FAT3: variants seen among roughly 807,000 people sequenced by gnomAD.
The protein encoded by FAT3 is protocadherin Fat 3.
Under a neutral mutation model 310.2 loss-of-function variants are expected in FAT3, and 95 were observed. The ratio of observed to expected loss-of-function variants is 0.31; its 90% CI spans 0.26 to 0.36. FAT3 has a LOEUF of 0.36. FAT3 is among the 10% of genes least tolerant of loss of function. The probability of loss-of-function intolerance (pLI) is 1.00; values close to 1 mark genes in which losing one functional copy is unlikely to be tolerated. For synonymous variants in FAT3, 2,314 were observed against 2,192.9 expected, an observed-to-expected ratio of 1.06 and a Z score of -1.54; for missense variants, 5,408 against 5,715.6, an observed-to-expected ratio of 0.95 and a Z score of 1.74.
At chr11:92,824,384 A>G (rs1386164066) in intron 13 of FAT3, among the ~76,000 whole-genome samples, 1 of 152,170 alleles carries the variant, frequency 6.6e-6, no homozygotes, top group African/African-American at 2.4e-5. Context: ...AAAGAAAATC[A>G]TTTTTAAATC....
chr11:92,498,359 G>A lies in FAT3; in HGVS notation c.3293-26275G>A, dbSNP rs576689433. 2.5e-3 allele frequency: 593 copies of A among 234,192 alleles called. 16 individuals carry two copies. Among genetic ancestry groups the A allele is most frequent in the Non-Finnish European group, 4.3e-3 (490 of 113,890 alleles). 14.5% of individuals were successfully genotyped at this position (234,192 alleles called of 1,614,324 possible). ...GGCAAGCCTTTTCTTTGTCTTTTCCGATGCTGTCTGGAATCTATTTATTGA... is the reference window on the plus strand; with the variant it reads ...GGCAAGCCTTTTCTTTGTCTTTTCCAATGCTGTCTGGAATCTATTTATTGA... On this transcript the variant is annotated intron_variant, in intron 2 of 27. Transcript: ENST00000525166.
chr11:92,813,786 A>G (rs1029933173), intron 13 of FAT3, among the ~76,000 whole-genome samples: 1 of 152,218 alleles, frequency 6.6e-6, no homozygotes, highest in African/African-American at 2.4e-5. Flanking sequence ...CATTTGTGTA[A>G]ATGACAGGCA....
intron 4 of FAT3, among the ~76,000 whole-genome samples, chr11:92,705,605 ATGTGG>A (rs200921356): frequency 0.014 from 2 of 142 alleles, no homozygotes; most frequent in Non-Finnish European, 0.033. Flanking sequence ...TGGTGGTGTG[ATGTGG>A]TGGTGGTGGT....
intron 2 of FAT3, among the ~76,000 whole-genome samples, chr11:92,508,795 T>C (rs1953196780): frequency 6.6e-6 from 1 of 152,164 alleles, no homozygotes; most frequent in African/African-American, 2.4e-5. Flanking sequence ...TTGTGCTAAG[T>C]TAGAGAGTCG....
chr11:92,641,594 T>C (rs1184238223), intron 3 of FAT3, among the ~76,000 whole-genome samples: 1 of 152,232 alleles, frequency 6.6e-6, no homozygotes, highest in East Asian at 1.9e-4. Context: ...CACTCCATGT[T>C]CCATATCCCC....
chr11:92,722,223 G>C (rs1476107258), intron 4 of FAT3, among the ~76,000 whole-genome samples: 3 of 149,740 alleles, frequency 2.0e-5, no homozygotes, highest in African/African-American at 7.7e-5. Flanking sequence ...TACCCATTGG[G>C]TAAATACAGC....
At chr11:92,327,533 C>T (rs547847200) in intron 1 of FAT3, among the ~76,000 whole-genome samples, 4 of 152,152 alleles carry the variant, frequency 2.6e-5, no homozygotes, top group Non-Finnish European at 5.9e-5. Context: ...TTAAAAGATG[C>T]GTTTTCTTTA....
At chr11:92,514,709 G>T (rs1162102173) in intron 2 of FAT3, among the ~76,000 whole-genome samples, 3 of 152,136 alleles carry the variant, frequency 2.0e-5, no homozygotes, top group Non-Finnish European at 2.9e-5. Context: ...AACCTATATG[G>T]CACACGAGGA....
intron 3 of FAT3, among the ~76,000 whole-genome samples, chr11:92,546,304 A>G (rs1351261122): frequency 2.0e-5 from 3 of 152,220 alleles, no homozygotes; most frequent in African/African-American, 7.2e-5. Context: ...TAAATTCAGA[A>G]GGAGTCTATT....
At chr11:92,325,325 T>C (rs558420672) in intron 1 of FAT3, among the ~76,000 whole-genome samples, 1 of 152,320 alleles carries the variant, frequency 6.6e-6, no homozygotes, top group African/African-American at 2.4e-5. Context: ...TGAGAAAGTG[T>C]AGAAAGCCCT....
At chr11:92,301,346 C>T (rs1191642958) in intron 1 of FAT3, among the ~76,000 whole-genome samples, 1 of 152,098 alleles carries the variant, frequency 6.6e-6, no homozygotes, top group Non-Finnish European at 1.5e-5. Context: ...ATTGGGAAGC[C>T]CTAGAGCTTC....
intron 3 of FAT3, among the ~76,000 whole-genome samples, chr11:92,632,787 C>G (rs775184539): frequency 6.6e-6 from 1 of 152,150 alleles, no homozygotes; most frequent in Non-Finnish European, 1.5e-5. Context: ...ATTTGCTTGT[C>G]CAGATGTCAC....
At chr11:92,618,283 C>T (rs376575033) in intron 3 of FAT3, among the ~76,000 whole-genome samples, 5 of 152,160 alleles carry the variant, frequency 3.3e-5, no homozygotes, top group East Asian at 1.9e-4. Context: ...CTGAGCCAGG[C>T]GCGGGATACA....
At chr11:92,705,260 T>G (rs996858396) in intron 4 of FAT3, among the ~76,000 whole-genome samples, 4 of 152,116 alleles carry the variant, frequency 2.6e-5, no homozygotes, top group Non-Finnish European at 5.9e-5. Context: ...GGGATGGCCA[T>G]TGACATTCCA....
At chr11:92,387,222 T>G (rs1315307351) in intron 2 of FAT3, among the ~76,000 whole-genome samples, 1 of 152,054 alleles carries the variant, frequency 6.6e-6, no homozygotes, top group Non-Finnish European at 1.5e-5. Flanking sequence ...GAGTAGCATT[T>G]GCAAAGATTA....
chr11:92,373,549 G>C (rs556722052), intron 2 of FAT3, among the ~76,000 whole-genome samples: 27 of 151,966 alleles, frequency 1.8e-4, no homozygotes, highest in Admixed American at 1.0e-3. Context: ...AGCTTAAAGG[G>C]AATATCTGTA....
intron 1 of FAT3, among the ~76,000 whole-genome samples, chr11:92,267,613 T>TGATCTA (rs1946005156): frequency 6.6e-6 from 1 of 151,230 alleles, no homozygotes; most frequent in Admixed American, 6.6e-5. Flanking sequence ...CCAAAGAAAA[T>TGATCTA]GATCTACCAG....
chr11:92,450,902 C>T (rs1416189712), intron 2 of FAT3, among the ~76,000 whole-genome samples: 1 of 152,170 alleles, frequency 6.6e-6, no homozygotes, highest in Admixed American at 6.5e-5. Context: ...GACTTCCAAA[C>T]TTGGGTTTCT....
intron 3 of FAT3, among the ~76,000 whole-genome samples, chr11:92,570,849 C>A (rs1418056798): frequency 2.0e-5 from 3 of 152,104 alleles, no homozygotes; most frequent in African/African-American, 7.2e-5. Flanking sequence ...AAACTATGAG[C>A]AAGATATGAT....
Sources: allele counts gnomAD v4.1 joint callset (sites outside exome capture counted in the v4.1 genomes callset), GRCh38; gene constraint gnomAD v4.1.1; transcripts MANE v1.5; gene names NCBI Gene and HGNC (gene_info 2026-07-23, HGNC 2026-07-21).